Variants in SCD observed in about 807,000 individuals in gnomAD.
SCD encodes the protein acyl-CoA desaturase.
A neutral mutation model predicts 35.7 loss-of-function variants in SCD; 4 were observed. The ratio of observed to expected loss-of-function variants is 0.11; its 90% CI spans 0.06 to 0.26. The LOEUF is 0.26. SCD is among the 10% of genes least tolerant of loss of function. SCD has a pLI of 1.00. For missense variants in SCD, 282 were observed against 460.7 expected (o/e 0.61, Z 3.55); for synonymous variants, 150 against 170.2 (o/e 0.88, Z 0.92).
chr10:100,351,792 C>T (rs1849875453), intron 2 of SCD, among the ~76,000 whole-genome samples: 1 of 152,148 alleles, frequency 6.6e-6, no homozygotes, highest in African/African-American at 2.4e-5. Flanking sequence ...AGGCAGGTGC[C>T]ACCATGCCAA....
chr10:100,360,172 G>A (rs1039491669), intron 5 of SCD, among the ~76,000 whole-genome samples: 1 of 152,228 alleles, frequency 6.6e-6, no homozygotes, highest in Non-Finnish European at 1.5e-5. Context: ...TGGTTCCAGT[G>A]TGGTGGGGAA....
rs1214030487 is a variant in SCD, at chr10:100,356,733, G to T, written c.849G>T (p.Arg283=). The change falls in exon 5 of 6, where the codon CGG becomes CGT. Residue 283 remains arginine, a synonymous_variant. Transcript: ENST00000370355. This position sits in a 1 kb window ranked among gnomAD's most constrained non-coding sequence, Gnocchi z 4.1. ...YRPYDKNISP[R]ENILVSLGAV... ...CTTATGACAAGAACATTAGCCCCCG[G>T]GAGAATATCCTGGTTTCACTTGGAG... 2.2e-5 allele frequency: 35 copies of T among 1,614,232 alleles called. No homozygotes were observed. The highest frequency in any genetic ancestry group is 3.0e-5 in the Non-Finnish European group (35 of 1,180,048).
chr10:100,352,580 G>A lies in SCD; in HGVS notation c.441+84G>A. ...GAAAGGAGGGATCAGCACCAGAGAGGAGCCACACCTGACAGCCATTTCACT... is the reference window on the plus strand; with the variant it reads ...GAAAGGAGGGATCAGCACCAGAGAGAAGCCACACCTGACAGCCATTTCACT... On this transcript the variant is annotated intron_variant, in intron 3 of 5. Transcript: ENST00000370355. The surrounding 1 kb of genome is among the most constrained non-coding windows in gnomAD (Gnocchi z 4.2). 1 of 1,327,978 alleles carries A rather than the reference G, an allele frequency of 7.5e-7. No homozygotes were observed. The highest frequency in any genetic ancestry group is 1.1e-6 in the Non-Finnish European group (1 of 942,784). 82.3% of individuals were successfully genotyped at this position (1,327,978 alleles called of 1,614,324 possible). A position where few individuals can be genotyped will look rare whatever the true frequency, so the allele number is the denominator to read the frequency against.
chr10:100,349,348 G>A (rs1849846978), intron 2 of SCD, among the ~76,000 whole-genome samples: 1 of 152,252 alleles, frequency 6.6e-6, no homozygotes, highest in Non-Finnish European at 1.5e-5. Context: ...GTTGGGAAGG[G>A]AAAGCAGGGA....
At position 100,356,535 on chromosome 10, in the gene SCD, C is replaced by T. The variant is rs754252133; in HGVS notation, c.651C>T (p.Tyr217=). 8 of 1,613,656 alleles carry T rather than the reference C, an allele frequency of 5.0e-6. No individual in the cohort carries two copies. In the Admixed American group the frequency reaches 1.0e-4, roughly 20 times the overall value. The part of the protein sequence containing the change: ...AEKLVMFQRR[Y]YKPGLLMMCF... ...GGTGTCTGGTCTGTCAATGTAGGTA[C>T]TACAAACCTGGCTTGCTGATGATGT... The change falls in exon 5 of 6, where the codon TAC becomes TAT. Residue 217 remains tyrosine, a synonymous_variant. Transcript: ENST00000370355. The surrounding 1 kb of genome is among the most constrained non-coding windows in gnomAD (Gnocchi z 4.1).
chr10:100,347,660 G>C, intron 1 of SCD, 129 bp downstream of exon 1: 1 of 1,009,226 alleles, frequency 9.9e-7, no homozygotes, highest in Non-Finnish European at 1.5e-6. Context: ...GAGTTGTGCT[G>C]CCTTCCGTGA....
intron 5 of SCD, among the ~76,000 whole-genome samples, chr10:100,358,338 T>G (rs1355936335): frequency 6.6e-6 from 1 of 150,682 alleles, no homozygotes; most frequent in African/African-American, 2.4e-5. Flanking sequence ...TTGCCTGTAA[T>G]CCCAGCACTT....
intron 4 of SCD, among the ~76,000 whole-genome samples, chr10:100,354,934 G>GT (rs1849912503): frequency 6.6e-6 from 1 of 152,182 alleles, no homozygotes; most frequent in South Asian, 2.1e-4. Flanking sequence ...TTGTTTGTTT[G>GT]TTTTTGTGTT....
rs1346346844 is a variant in SCD, at chr10:100,363,474, T to G, written c.*2541T>G. 1 of 152,242 alleles carries G rather than the reference T, an allele frequency of 6.6e-6. No homozygotes were observed. Among genetic ancestry groups the G allele is most frequent in the Non-Finnish European group, 1.5e-5 (1 of 68,044 alleles). The allele number at this position is 152,242 out of a possible 1,614,324, so 9.4% of individuals were successfully genotyped here. A position where few individuals can be genotyped will look rare whatever the true frequency, so the allele number is the denominator to read the frequency against. ...CTATTCACCTCAGTAGAAAAGGATC[T>G]AAGGGAAGATCACTGTAGTTTAGTT... On this transcript the variant is annotated 3_prime_UTR_variant, in exon 6 of 6. Coordinates refer to ENST00000370355, the MANE Select transcript of SCD (RefSeq NM_005063.5).
chr10:100,352,983 T>A lies in SCD; in HGVS notation c.441+487T>A, dbSNP rs75578386. The stretch of plus-strand genomic sequence containing the variant: ...AGCCTGGGTGACAAGACCCCAACTT[T>A]AAAAAAAAAATTTCAAAAGTGAATA... On this transcript the variant is annotated intron_variant, in intron 3 of 5. Transcript: ENST00000370355. The surrounding 1 kb of genome is among the most constrained non-coding windows in gnomAD (Gnocchi z 4.2). 5.3e-5 allele frequency among the ~76,000 whole-genome samples: 8 copies of A among 151,060 alleles called. No homozygotes were observed. Among genetic ancestry groups the A allele is most frequent in the African/African-American group, 1.9e-4 (8 of 41,202 alleles).
intron 3 of SCD, among the ~76,000 whole-genome samples, chr10:100,353,268 A>C (rs1412609577): frequency 1.3e-5 from 2 of 152,166 alleles, no homozygotes; most frequent in Non-Finnish European, 2.9e-5. Context: ...CATGGTGGCT[A>C]AGTAAAACAT....
At chr10:100,355,352 T>C (rs915351073) in intron 4 of SCD, among the ~76,000 whole-genome samples, 6 of 152,074 alleles carry the variant, frequency 3.9e-5, no homozygotes, top group Non-Finnish European at 8.8e-5. Flanking sequence ...TACAACTATG[T>C]GTGGGGAGAG....
chr10:100,347,236 C>T lies in SCD; in HGVS notation c.-269C>T. On this transcript the variant is annotated 5_prime_UTR_variant, in exon 1 of 6. Transcript: ENST00000370355. Reference sequence around the variant, plus strand: ...TCCACGCGGGACCGCCCGCGCCAGTCAACTCCTCGCACTTTGCCCCTGCTT... The same window carrying T: ...TCCACGCGGGACCGCCCGCGCCAGTTAACTCCTCGCACTTTGCCCCTGCTT... The T allele has an allele frequency of 3.7e-6, 2 of 535,842 alleles. No individual in the cohort carries two copies. The highest frequency in any genetic ancestry group is 7.0e-5 in the East Asian group (2 of 28,402). The allele number at this position is 535,842 out of a possible 1,614,324, so 33.2% of individuals were successfully genotyped here.
At chr10:100,359,013 A>C (rs1459299592) in intron 5 of SCD, among the ~76,000 whole-genome samples, 1 of 152,146 alleles carries the variant, frequency 6.6e-6, no homozygotes, top group Admixed American at 6.6e-5. Context: ...CATTGTGCCT[A>C]TTCTTACTTT....
At position 100,363,372 on chromosome 10, in the gene SCD, G is replaced by A. The variant is rs201411266; in HGVS notation, c.*2439G>A. 9.9e-5 allele frequency: 15 copies of A among 152,256 alleles called. No homozygotes were observed. Among genetic ancestry groups the A allele is most frequent in the Non-Finnish European group, 1.3e-4 (9 of 68,064 alleles). The allele number at this position is 152,256 out of a possible 1,614,324, so 9.4% of individuals were successfully genotyped here. On this transcript the variant is annotated 3_prime_UTR_variant, in exon 6 of 6. Transcript: ENST00000370355. Reference sequence around the variant, plus strand: ...TGTTGAGCCCCAGTGCTGGAAGGGAGGAAGGCCTTTCTTCTGTGTTAATTG... The same window carrying A: ...TGTTGAGCCCCAGTGCTGGAAGGGAAGAAGGCCTTTCTTCTGTGTTAATTG...
chr10:100,360,613 T>C, intron 5 of SCD, 121 bp from the exon 6 acceptor site: 1 of 744,014 alleles, frequency 1.3e-6, no homozygotes, highest in South Asian at 1.7e-5. Context: ...GAGACTGAAT[T>C]CATCCATTCA....
At chr10:100,360,136 CT>C (rs1436801686) in intron 5 of SCD, among the ~76,000 whole-genome samples, 3 of 152,230 alleles carry the variant, frequency 2.0e-5, no homozygotes, top group African/African-American at 7.2e-5. Flanking sequence ...AGGGCCCACT[CT>C]TTTGGAACCT....
intron 5 of SCD, among the ~76,000 whole-genome samples, chr10:100,358,278 A>C (rs1031361956): frequency 2.0e-5 from 3 of 152,046 alleles, no homozygotes; most frequent in African/African-American, 4.8e-5. Flanking sequence ...TGGAATTATA[A>C]TAGCCGTGAG....
Position 100,360,941 on chromosome 10 carries a change from G to A in SCD, c.*8G>A, listed in dbSNP as rs1457082616. On this transcript the variant is annotated 3_prime_UTR_variant, in exon 6 of 6. Transcript: ENST00000370355. ...AACTACAAGAGTGGCTGAGTTTGGG[G>A]TCCCTCAGGTTCCTTTTTCAAAAAC... 6.2e-7 allele frequency: 1 copy of A among 1,613,124 alleles called. No homozygotes were observed. Among genetic ancestry groups the A allele is most frequent in the African/African-American group, 1.3e-5 (1 of 74,868 alleles).
Sources: allele counts gnomAD v4.1 joint callset (sites outside exome capture counted in the v4.1 genomes callset), GRCh38; gene constraint gnomAD v4.1.1; non-coding constraint Gnocchi (gnomAD v3.1); transcripts MANE v1.5; gene names NCBI Gene and HGNC (gene_info 2026-07-23, HGNC 2026-07-21).